RNF168: variants seen among roughly 807,000 people sequenced by gnomAD.
RNF168 encodes the protein ring finger protein 168, also known as E3 ubiquitin-protein ligase RNF168.
Under a neutral mutation model 34.9 loss-of-function variants are expected in RNF168, and 34 were observed. That is an observed-to-expected ratio of 0.97 (90% CI 0.74 to 1.30). The LOEUF (loss-of-function observed/expected upper bound fraction) is 1.30. Ranked by LOEUF, RNF168 falls within the 50% of genes most tolerant of loss-of-function variation. The probability of loss-of-function intolerance (pLI) is 0.00; values close to 1 mark genes in which losing one functional copy is unlikely to be tolerated. For synonymous variants in RNF168, 264 were observed against 254.7 expected (o/e 1.04, Z -0.35); for missense variants, 725 against 682.5 (o/e 1.06, Z -0.69).
At position 196,492,551 on chromosome 3, in the gene RNF168, G is replaced by A. The variant is rs574688669; in HGVS notation, c.302-3868C>T. ...GGCACTTTGGGAGGTGGAGGCAGGC[G>A]GATCACTTGAGGTCAGGAGTTCAAA... On this transcript the variant is annotated intron_variant, in intron 1 of 5. Transcript: ENST00000318037. Among the ~76,000 whole-genome samples, 15 of 152,210 alleles carry A rather than the reference G, an allele frequency of 9.9e-5. No homozygotes were observed. The South Asian group carries it at 2.7e-3, about 27-fold the overall frequency.
intron 1 of RNF168, among the ~76,000 whole-genome samples, chr3:196,498,944 G>A (rs997151212): frequency 2.0e-4 from 31 of 151,628 alleles, no homozygotes; most frequent in Admixed American, 1.8e-3. Context: ...GCAGTGAGCC[G>A]AGATCCTGTC....
chr3:196,503,235 G>A lies in RNF168; in HGVS notation c.-62C>T, dbSNP rs1732948038. ...CTGCACGAAAAAGAATCCTATTTTC[G>A]GCCAACCACAGAGAGAGCAAAAGCA... On this transcript the variant is annotated 5_prime_UTR_variant, in exon 1 of 6. Transcript: ENST00000318037. The A allele has an allele frequency of 2.7e-6, 4 of 1,477,796 alleles. No homozygotes were observed. In the Admixed American group the frequency reaches 5.1e-5, roughly 19 times the overall value. The allele number at this position is 1,477,796 out of a possible 1,614,324, so 91.5% of individuals were successfully genotyped here.
At position 196,483,549 on chromosome 3, in the gene RNF168, C is replaced by G. The variant is rs776370288; in HGVS notation, c.680+221G>C. ...TTTGAGAAAACTGGAAATCCTGAGGCAGTAAGATAAAAGTATGAATCTGCC... is the reference window on the plus strand; with the variant it reads ...TTTGAGAAAACTGGAAATCCTGAGGGAGTAAGATAAAAGTATGAATCTGCC... On this transcript the variant is annotated intron_variant, in intron 4 of 5. Transcript: ENST00000318037. Among the ~76,000 whole-genome samples, 24 of 152,144 alleles carry G rather than the reference C, an allele frequency of 1.6e-4. 1 individual carries two copies. The highest frequency in any genetic ancestry group is 1.6e-3 in the Admixed American group (24 of 15,272).
chr3:196,484,300 T>A (rs555744581), intron 3 of RNF168, among the ~76,000 whole-genome samples: 2 of 150,154 alleles, frequency 1.3e-5, no homozygotes, highest in Non-Finnish European at 3.0e-5. Context: ...GCCTCCTGAG[T>A]AGCTGGGACT....
At position 196,503,386 on chromosome 3, in the gene RNF168, C is replaced by G. The variant is rs1732953480; in HGVS notation, c.-213G>C. On this transcript the variant is annotated 5_prime_UTR_variant, in exon 1 of 6. Transcript: ENST00000318037. ...ACAGGAATACCCCGGAGGGCGGCGT[C>G]TTTGTCCATTTTCAAGGCAAACGTC... 3.4e-6 allele frequency: 2 copies of G among 591,736 alleles called. No individual in the cohort carries two copies. Among genetic ancestry groups the G allele is most frequent in the Non-Finnish European group, 6.0e-6 (2 of 332,122 alleles). 36.7% of individuals were successfully genotyped at this position (591,736 alleles called of 1,614,324 possible).
At position 196,488,640 on chromosome 3, in the gene RNF168, T is replaced by C. The variant is rs1169758224; in HGVS notation, c.345A>G (p.Glu115=). The stretch of plus-strand genomic sequence containing the variant: ...TTTCCTCTTCATATTCTCTTCTCAG[T>C]TCCCCAGGTTTACTGAGCAGACGAA... ...QPVRLLSKPG[E]LRREYEEEIS... Residue 115 remains glutamate (E), a synonymous_variant, in exon 2 of 6, where the codon GAA becomes GAG. Transcript: ENST00000318037. 6.2e-7 allele frequency: 1 copy of C among 1,609,076 alleles called. No individual in the cohort carries two copies. Among genetic ancestry groups the C allele is most frequent in the Non-Finnish European group, 8.5e-7 (1 of 1,175,754 alleles).
intron 1 of RNF168, among the ~76,000 whole-genome samples, chr3:196,493,770 C>T (rs1017686306): frequency 6.6e-6 from 1 of 151,666 alleles, no homozygotes; most frequent in Non-Finnish European, 1.5e-5. Context: ...TCAGGTGATC[C>T]ACCTGCCTTC....
Position 196,494,952 on chromosome 3 carries a change from G to A in RNF168, c.302-6269C>T, listed in dbSNP as rs1358886738. Among the ~76,000 whole-genome samples the A allele has an allele frequency of 4.6e-5, 7 of 152,172 alleles. No homozygotes were observed. In the South Asian group the frequency reaches 6.2e-4, roughly 14 times the overall value. On this transcript the variant is annotated intron_variant, in intron 1 of 5. Coordinates refer to ENST00000318037, the MANE Select transcript of RNF168 (RefSeq NM_152617.4). ...GTGGGAGGATTGCTTGAGCCCGGGC[G>A]GTGGAGGGTACAGTGAGCCAAGATC...
At chr3:196,484,917 A>G (rs553383129) in intron 3 of RNF168, among the ~76,000 whole-genome samples, 1 of 152,000 alleles carries the variant, frequency 6.6e-6, no homozygotes, top group Non-Finnish European at 1.5e-5. Flanking sequence ...CAGCCTTCCA[A>G]AGTGTTCGGA....
chr3:196,489,182 G>A (rs1164633689), intron 1 of RNF168, among the ~76,000 whole-genome samples: 1 of 151,974 alleles, frequency 6.6e-6, no homozygotes. Context: ...GAGGCCAGAG[G>A]TTTAGGGTTT....
chr3:196,480,725 C>T (rs1453217038), intron 4 of RNF168, among the ~76,000 whole-genome samples: 2 of 152,162 alleles, frequency 1.3e-5, no homozygotes, highest in African/African-American at 4.8e-5. Flanking sequence ...TCACTGCAGC[C>T]GTAACCTCCC....
At position 196,483,904 on chromosome 3, in the gene RNF168, A is replaced by G. The variant is rs751996152; in HGVS notation, c.559-13T>C. The G allele has an allele frequency of 2.5e-6, 4 of 1,592,822 alleles. No homozygotes were observed. In the Admixed American group the frequency reaches 5.0e-5, roughly 20 times the overall value. On this transcript the variant is annotated splice_polypyrimidine_tract_variant and intron_variant, in intron 3 of 5. Coordinates refer to ENST00000318037, the MANE Select transcript of RNF168 (RefSeq NM_152617.4). ...CACAGAAATTGTTCTTCAACAATAG[A>G]AAAAGCATAACAGACATTATGAGAG... is the stretch of plus-strand genomic sequence containing the variant.
chr3:196,502,051 T>C (rs1238488225), intron 1 of RNF168, among the ~76,000 whole-genome samples: 1 of 23,558 alleles, frequency 4.2e-5, no homozygotes, highest in Non-Finnish European at 8.4e-5. Flanking sequence ...CCAAAAAAAA[T>C]TAGAAAAAAA....
At chr3:196,486,414 C>T (rs902989425) in intron 3 of RNF168, among the ~76,000 whole-genome samples, 6 of 151,916 alleles carry the variant, frequency 3.9e-5, no homozygotes, top group African/African-American at 7.3e-5. Context: ...CTCACTGTAA[C>T]CTCAAACTCC....
At chr3:196,475,176 A>G in intron 5 of RNF168, 55 bp downstream of exon 5, 4 of 971,420 alleles carry the variant, frequency 4.1e-6, no homozygotes, top group Non-Finnish European at 6.7e-6. Flanking sequence ...GGATAGCACT[A>G]ATCTACAGCA....
At chr3:196,479,815 C>G (rs1732244481) in intron 4 of RNF168, among the ~76,000 whole-genome samples, 1 of 152,174 alleles carries the variant, frequency 6.6e-6, no homozygotes, top group Non-Finnish European at 1.5e-5. Flanking sequence ...TGGTTTTGAA[C>G]TCCTGACCTC....
intron 1 of RNF168, among the ~76,000 whole-genome samples, chr3:196,492,181 C>T (rs1029415645): frequency 7.9e-5 from 12 of 152,110 alleles, no homozygotes. Context: ...AAGTAAATCA[C>T]TTTACACATT....
intron 1 of RNF168, among the ~76,000 whole-genome samples, chr3:196,495,000 G>A (rs1048989452): frequency 1.3e-5 from 2 of 152,290 alleles, no homozygotes; most frequent in Middle Eastern, 3.4e-3. Context: ...TCCAGCCTGG[G>A]CGACTAAGTG....
In RNF168 at chr3:196,472,104, G is replaced by T. The variant is rs143993777; in HGVS notation, c.1431C>A (p.Arg477=). The change falls in exon 6 of 6, where the codon CGC becomes CGA. Residue 477 remains arginine, a synonymous_variant. Transcript: ENST00000318037. Reference sequence around the variant, plus strand: ...CTTTGTCTGGAGGGGAGGATGTAGCGCGTAAGTGATACTCATCTGGGGATC... The same window carrying T: ...CTTTGTCTGGAGGGGAGGATGTAGCTCGTAAGTGATACTCATCTGGGGATC... ...QKGSPDEYHL[R]ATSSPPDKVL... The T allele has an allele frequency of 1.2e-6, 2 of 1,613,862 alleles. No homozygotes were observed. Among genetic ancestry groups the T allele is most frequent in the Non-Finnish European group, 1.7e-6 (2 of 1,179,918 alleles).
Sources: allele counts gnomAD v4.1 joint callset (sites outside exome capture counted in the v4.1 genomes callset), GRCh38; gene constraint gnomAD v4.1.1; transcripts MANE v1.5; gene names NCBI Gene and HGNC (gene_info 2026-07-23, HGNC 2026-07-21).